Variants in ATOSA observed in about 807,000 individuals in gnomAD.
The protein encoded by ATOSA is atos homolog protein A.
chr15:52,596,968 T>C, the ATOSA span, among the ~76,000 whole-genome samples: 12 of 152,184 alleles, frequency 7.9e-5, no homozygotes, highest in Non-Finnish European at 1.8e-4. Flanking sequence ...TCAACATCAA[T>C]AGTCATCAGG....
chr15:52,673,795 C>T, the ATOSA span, among the ~76,000 whole-genome samples: 3 of 152,212 alleles, frequency 2.0e-5, no homozygotes, highest in Non-Finnish European at 4.4e-5. Context: ...ACACTTCTTT[C>T]CTATTTCACC....
At chr15:52,658,801 C>CAAAAAAAAAAAAAAAAAAAAAA in the ATOSA span, 1 of 223,960 alleles carries the variant, frequency 4.5e-6, no homozygotes, top group Admixed American at 9.5e-5. Context: ...CTCGTTTCTA[C>CAAAAAAAAAAAAAAAAAAAAAA]AAAAAAAAAA....
the ATOSA span, chr15:52,609,341 A>G: frequency 6.2e-7 from 1 of 1,613,980 alleles, no homozygotes; most frequent in Non-Finnish European, 8.5e-7. Flanking sequence ...TTGTCTTCAT[A>G]TGAACTCCTA....
chr15:52,635,773 G>A, the ATOSA span, among the ~76,000 whole-genome samples: 1 of 152,072 alleles, frequency 6.6e-6, no homozygotes, highest in Admixed American at 6.6e-5. Flanking sequence ...CAAGGTGGGT[G>A]GATCACGAGG....
the ATOSA span, among the ~76,000 whole-genome samples, chr15:52,700,550 C>T: frequency 3.3e-5 from 5 of 152,272 alleles, no homozygotes; most frequent in African/African-American, 1.2e-4. Flanking sequence ...TCAAAAAAAG[C>T]CTTATTGTGA....
At chr15:52,617,653 T>C in the ATOSA span, among the ~76,000 whole-genome samples, 1 of 151,818 alleles carries the variant, frequency 6.6e-6, no homozygotes, top group African/African-American at 2.4e-5. Context: ...ATTTTAAGCA[T>C]GTATATAACT....
At chr15:52,636,317 C>A in the ATOSA span, among the ~76,000 whole-genome samples, 1 of 151,988 alleles carries the variant, frequency 6.6e-6, no homozygotes, top group African/African-American at 2.4e-5. Flanking sequence ...CATTGCACCA[C>A]CCTTTACTCT....
the ATOSA span, among the ~76,000 whole-genome samples, chr15:52,675,771 G>A: frequency 1.8e-4 from 27 of 152,146 alleles, no homozygotes; most frequent in Non-Finnish European, 2.8e-4. Flanking sequence ...AGCCGGGCGT[G>A]GAGGCGGGCG....
At chr15:52,612,493 T>C in the ATOSA span, among the ~76,000 whole-genome samples, 3 of 132,836 alleles carry the variant, frequency 2.3e-5, no homozygotes, top group South Asian at 4.9e-4. Flanking sequence ...ACGCTCAAAA[T>C]AAACAAGATC....
At chr15:52,669,294 T>C in the ATOSA span, among the ~76,000 whole-genome samples, 1 of 152,174 alleles carries the variant, frequency 6.6e-6, no homozygotes, top group Non-Finnish European at 1.5e-5. Flanking sequence ...GTTAGTTCTT[T>C]CATAAAATGA....
chr15:52,582,956 A>G, the ATOSA span, among the ~76,000 whole-genome samples: 1 of 152,200 alleles, frequency 6.6e-6, no homozygotes, highest in Non-Finnish European at 1.5e-5. Flanking sequence ...AAACAGACAA[A>G]CATACCCTGT....
chr15:52,593,987 C>A, the ATOSA span, among the ~76,000 whole-genome samples: 2 of 152,218 alleles, frequency 1.3e-5, no homozygotes, highest in East Asian at 3.8e-4. Context: ...TCTTCTCTCA[C>A]TATTCCAACT....
the ATOSA span, among the ~76,000 whole-genome samples, chr15:52,623,009 A>C: frequency 7.0e-6 from 1 of 143,460 alleles, no homozygotes; most frequent in Admixed American, 7.0e-5. Flanking sequence ...AAATAAATAA[A>C]TAAAGCCAGG....
At chr15:52,636,972 T>C in the ATOSA span, among the ~76,000 whole-genome samples, 3 of 152,190 alleles carry the variant, frequency 2.0e-5, no homozygotes, top group Non-Finnish European at 4.4e-5. Context: ...TGTGTGTATG[T>C]ACTTCTGGTT....
the ATOSA span, among the ~76,000 whole-genome samples, chr15:52,684,511 T>A: frequency 2.0e-5 from 3 of 152,218 alleles, no homozygotes; most frequent in African/African-American, 7.2e-5. Context: ...TACTCCAACC[T>A]AGGCAACACT....
chr15:52,613,061 G>T, the ATOSA span, among the ~76,000 whole-genome samples: 1 of 151,990 alleles, frequency 6.6e-6, no homozygotes, highest in East Asian at 1.9e-4. Context: ...GGATGAGCCA[G>T]GGCTGAGATT....
At chr15:52,703,167 C>T in the ATOSA span, among the ~76,000 whole-genome samples, 8 of 152,080 alleles carry the variant, frequency 5.3e-5, no homozygotes, top group Middle Eastern at 3.4e-3. Context: ...ACACATGGTT[C>T]GATTTTTATA....
At chr15:52,647,688 T>G in the ATOSA span, among the ~76,000 whole-genome samples, 1 of 152,242 alleles carries the variant, frequency 6.6e-6, no homozygotes, top group South Asian at 2.1e-4. Flanking sequence ...AGCTCAGCAT[T>G]TGCAGGGGTC....
At chr15:52,592,717 T>C in the ATOSA span, among the ~76,000 whole-genome samples, 3 of 152,268 alleles carry the variant, frequency 2.0e-5, no homozygotes, top group African/African-American at 7.2e-5. Context: ...GTTTACAAAT[T>C]TGTGTTGGGT....
Sources: allele counts gnomAD v4.1 joint callset (sites outside exome capture counted in the v4.1 genomes callset), GRCh38; gene constraint gnomAD v4.1.1; transcripts MANE v1.5; gene names NCBI Gene and HGNC (gene_info 2026-07-23, HGNC 2026-07-21).